CLSTN2: variants seen among roughly 807,000 people sequenced by gnomAD.
CLSTN2 encodes the protein calsyntenin-2.
In CLSTN2, 48 loss-of-function variants were observed where a neutral mutation model predicts 101.2. The ratio of observed to expected loss-of-function variants is 0.47; its 90% CI spans 0.38 to 0.60. CLSTN2 has a LOEUF of 0.60. CLSTN2 is among the 20% of genes least tolerant of loss of function. CLSTN2 has a pLI of 0.00. For synonymous variants in CLSTN2, 481 were observed against 463.6 expected (o/e 1.04, Z -0.48); for missense variants, 1,160 against 1,238.2 (o/e 0.94, Z 0.95).
In CLSTN2 at chr3:140,573,873, G is replaced by A. The variant is rs534873076; in HGVS notation, c.*7620G>A. ...AGGGAGCTGGTACCTCTGGACCATTGAGGCAACACCTCCCCAGAGGCAGGA... is the reference window on the plus strand; with the variant it reads ...AGGGAGCTGGTACCTCTGGACCATTAAGGCAACACCTCCCCAGAGGCAGGA... On this transcript the variant is annotated 3_prime_UTR_variant, in exon 17 of 17. Transcript: ENST00000458420. 4 of 152,398 alleles carry A rather than the reference G, an allele frequency of 2.6e-5. No individual in the cohort carries two copies. In the East Asian group the frequency reaches 5.8e-4, roughly 22 times the overall value. 9.4% of individuals were successfully genotyped at this position (152,398 alleles called of 1,614,324 possible).
intron 1 of CLSTN2, among the ~76,000 whole-genome samples, chr3:140,113,336 T>C (rs926240698): frequency 6.6e-6 from 1 of 152,190 alleles, no homozygotes; most frequent in Non-Finnish European, 1.5e-5. Context: ...CTGGCTACAG[T>C]GCCTGCAGAC....
chr3:140,364,558 G>T (rs148998976), intron 2 of CLSTN2, among the ~76,000 whole-genome samples: 1 of 152,084 alleles, frequency 6.6e-6, no homozygotes, highest in Non-Finnish European at 1.5e-5. Context: ...TGTCCAGGGC[G>T]CCAGGAGCAG....
At chr3:140,097,612 T>A (rs754587967) in intron 1 of CLSTN2, among the ~76,000 whole-genome samples, 1 of 152,180 alleles carries the variant, frequency 6.6e-6, no homozygotes, top group Non-Finnish European at 1.5e-5. Context: ...CTCCATGTGC[T>A]TTCGAATTTT....
intron 9 of CLSTN2, 86 bp from the exon 10 acceptor site, chr3:140,546,429 T>A: frequency 7.1e-7 from 1 of 1,407,240 alleles, no homozygotes; most frequent in Non-Finnish European, 9.8e-7. Context: ...AATCAAGGCG[T>A]CTTTGGCTGC....
intron 8 of CLSTN2, among the ~76,000 whole-genome samples, chr3:140,529,051 T>C (rs1935202173): frequency 6.6e-6 from 1 of 152,154 alleles, no homozygotes; most frequent in Admixed American, 6.5e-5. Context: ...AGGCAGAACT[T>C]CCAATTTGGC....
chr3:140,233,181 GTC>G (rs1320045431), intron 2 of CLSTN2, among the ~76,000 whole-genome samples: 2 of 152,036 alleles, frequency 1.3e-5, no homozygotes, highest in Non-Finnish European at 2.9e-5. Context: ...TCAGACTCAA[GTC>G]TCTGGTTCTG....
At chr3:140,094,234 G>A (rs989959199) in intron 1 of CLSTN2, among the ~76,000 whole-genome samples, 1 of 152,172 alleles carries the variant, frequency 6.6e-6, no homozygotes, top group African/African-American at 2.4e-5. Context: ...CCAGTGGGGT[G>A]GGGAGTAGGG....
intron 1 of CLSTN2, among the ~76,000 whole-genome samples, chr3:140,164,142 TCA>T (rs1220980889): frequency 2.0e-5 from 3 of 152,160 alleles, no homozygotes; most frequent in Non-Finnish European, 4.4e-5. Context: ...CATTAAACAA[TCA>T]CAGTCCCTTT....
intron 2 of CLSTN2, among the ~76,000 whole-genome samples, chr3:140,393,232 C>T (rs1284395058): frequency 6.6e-6 from 1 of 152,122 alleles, no homozygotes; most frequent in Non-Finnish European, 1.5e-5. Flanking sequence ...AACTTTGGGG[C>T]CCCATCTCAG....
chr3:139,998,252 C>G (rs1474465012), intron 1 of CLSTN2, among the ~76,000 whole-genome samples: 1 of 150,312 alleles, frequency 6.7e-6, no homozygotes, highest in Non-Finnish European at 1.5e-5. Flanking sequence ...TTGCACCTGC[C>G]AATAGGAGAA....
intron 1 of CLSTN2, among the ~76,000 whole-genome samples, chr3:139,973,439 T>C (rs977447879): frequency 6.6e-6 from 1 of 152,156 alleles, no homozygotes; most frequent in Non-Finnish European, 1.5e-5. Context: ...AGTGAATTTG[T>C]CTGATCTAAA....
Position 140,187,843 on chromosome 3 carries a change from A to C in CLSTN2, c.232+11770A>C, listed in dbSNP as rs546763068. Among the ~76,000 whole-genome samples, 51 of 152,248 alleles carry C rather than the reference A, an allele frequency of 3.3e-4. No homozygotes were observed. The South Asian group carries it at 0.01, about 30-fold the overall frequency. On this transcript the variant is annotated intron_variant, in intron 2 of 16. Coordinates refer to ENST00000458420, the MANE Select transcript of CLSTN2 (RefSeq NM_022131.3). ...AGGGCACTGAGCCAAATGCAACCCA[A>C]CGTGGTGTAGTCAGACAGCAGGGGA...
intron 1 of CLSTN2, among the ~76,000 whole-genome samples, chr3:140,157,525 A>G (rs978217885): frequency 1.3e-5 from 2 of 152,154 alleles, no homozygotes; most frequent in Admixed American, 6.5e-5. Context: ...ATTTGTGTGC[A>G]TAGAGTTGTT....
At chr3:139,958,017 C>G (rs1158717042) in intron 1 of CLSTN2, among the ~76,000 whole-genome samples, 2 of 152,176 alleles carry the variant, frequency 1.3e-5, no homozygotes, top group Admixed American at 6.5e-5. Flanking sequence ...TGTGAGGCCC[C>G]CGGTTTGATA....
At chr3:140,075,592 T>C (rs948314507) in intron 1 of CLSTN2, among the ~76,000 whole-genome samples, 2 of 152,204 alleles carry the variant, frequency 1.3e-5, no homozygotes, top group Admixed American at 6.5e-5. Context: ...CTGCTCCTTA[T>C]GCCATCCCTG....
intron 2 of CLSTN2, among the ~76,000 whole-genome samples, chr3:140,279,315 T>A (rs2086824404): frequency 6.6e-6 from 1 of 152,222 alleles, no homozygotes; most frequent in East Asian, 1.9e-4. Context: ...TCAGCACATC[T>A]GGACAGTGTC....
rs546054203 is a variant in CLSTN2 at position 139,963,116 on chromosome 3, A to G, written c.109+27633A>G. Among the ~76,000 whole-genome samples the G allele has an allele frequency of 5.9e-5, 9 of 152,136 alleles. 1 individual carries two copies. Among genetic ancestry groups the G allele is most frequent in the Admixed American group, 5.9e-4 (9 of 15,272 alleles). ...AATGAGGAGGAGGAGGGGGGCAGAG[A>G]CCCCTTTCTTGCCATACTCTTCTAG... On this transcript the variant is annotated intron_variant, in intron 1 of 16. Transcript: ENST00000458420.
intron 8 of CLSTN2, among the ~76,000 whole-genome samples, chr3:140,483,491 A>G (rs575339115): frequency 1.3e-5 from 2 of 152,156 alleles, no homozygotes; most frequent in African/African-American, 2.4e-5. Flanking sequence ...CAATTCCTGC[A>G]TATCCTTGTT....
chr3:140,240,207 C>T (rs1449313226), intron 2 of CLSTN2, among the ~76,000 whole-genome samples: 1,000 of 15,050 alleles, frequency 0.066, 13 homozygotes, highest in Non-Finnish European at 0.13. Context: ...TATACACACA[C>T]ACACACACAC....
Sources: allele counts gnomAD v4.1 joint callset (sites outside exome capture counted in the v4.1 genomes callset), GRCh38; gene constraint gnomAD v4.1.1; transcripts MANE v1.5; gene names NCBI Gene and HGNC (gene_info 2026-07-23, HGNC 2026-07-21).